AP1M2: variants seen among roughly 807,000 people sequenced by gnomAD.
AP1M2 encodes adaptor related protein complex 1 subunit mu 2.
A neutral mutation model predicts 54.6 loss-of-function variants in AP1M2; 41 were observed. That is an observed-to-expected ratio of 0.75 (90% CI 0.59 to 0.97). The LOEUF (loss-of-function observed/expected upper bound fraction) is 0.97, where lower values mean the gene tolerates loss of function less well. Ranked by LOEUF, AP1M2 falls within the 50% of genes least tolerant of loss-of-function variation. The probability of loss-of-function intolerance (pLI) is 0.00; values close to 1 mark genes in which losing one functional copy is unlikely to be tolerated. For synonymous variants in AP1M2, 219 were observed against 215.9 expected, an observed-to-expected ratio of 1.01 and a Z score of -0.13; for missense variants, 507 against 561.2, an observed-to-expected ratio of 0.90 and a Z score of 0.98.
intron 9 of AP1M2, among the ~76,000 whole-genome samples, chr19:10,575,855 C>T (rs1165828959): frequency 6.8e-6 from 1 of 146,296 alleles, no homozygotes; most frequent in African/African-American, 2.5e-5. Context: ...CAAGCTCCGC[C>T]TCCCAGGTTC....
At chr19:10,578,543 T>G (rs2067686610) in intron 8 of AP1M2, among the ~76,000 whole-genome samples, 1 of 152,060 alleles carries the variant, frequency 6.6e-6, no homozygotes, top group Non-Finnish European at 1.5e-5. Flanking sequence ...AGTTATTATT[T>G]TATTTGATAA....
intron 2 of AP1M2, 32 bp downstream of exon 2, chr19:10,583,882 C>A: frequency 6.4e-7 from 1 of 1,572,732 alleles, no homozygotes; most frequent in Non-Finnish European, 8.6e-7. Context: ...GCCCCCACAC[C>A]CACCTCCAGG....
intron 1 of AP1M2, among the ~76,000 whole-genome samples, chr19:10,585,290 A>AGAAAGAAAGAAGGAAGGAAGGAAG (rs1568434726): frequency 1.4e-4 from 12 of 82,802 alleles, no homozygotes; most frequent in Middle Eastern, 5.2e-3. Context: ...AAAAAAAGAA[A>AGAAAGAAAGAAGGAAGGAAGGAAG]GAAAGAAAGA....
chr19:10,585,278 AG>A lies in AP1M2; in HGVS notation c.43-1209del, dbSNP rs1351957284. On this transcript the variant is annotated intron_variant, in intron 1 of 11. Transcript: ENST00000250244. Reference sequence around the variant, plus strand: ...AAGGAAAGAAGGAAAGAAAGAAAGAAGAAAAAAAGAAAGAAAGAAAGAAAGA... The same window carrying A: ...AAGGAAAGAAGGAAAGAAAGAAAGAAAAAAAAAGAAAGAAAGAAAGAAAGA... Among the ~76,000 whole-genome samples the A allele has an allele frequency of 8.8e-5, 3 of 34,126 alleles. 1 individual carries two copies. Among genetic ancestry groups the A allele is most frequent in the African/African-American group, 5.1e-4 (3 of 5,914 alleles). The allele number at this position is 34,126 out of a possible 152,430, so 22.4% of individuals were successfully genotyped here. A position where few individuals can be genotyped will look rare whatever the true frequency, so the allele number is the denominator to read the frequency against.
At chr19:10,577,423 C>CCCTTT in intron 8 of AP1M2, 67 bp from the exon 9 acceptor site, 1 of 367,842 alleles carries the variant, frequency 2.7e-6, no homozygotes, top group Admixed American at 7.0e-5. Flanking sequence ...TTACCAAGCC[C>CCCTTT]TTTTTTTTTT....
chr19:10,584,784 CAGG>C (rs956871344), intron 1 of AP1M2, among the ~76,000 whole-genome samples: 13 of 152,030 alleles, frequency 8.6e-5, no homozygotes, highest in African/African-American at 2.9e-4. Context: ...CCATTTCACA[CAGG>C]AGAAGTGAGG....
At chr19:10,585,148 G>A (rs35769432) in intron 1 of AP1M2, 38,403 of 150,722 alleles carry the variant, frequency 0.25, 5,892 homozygotes, top group East Asian at 0.66. Context: ...CTAGGAGGTC[G>A]AGACTACAGT....
At chr19:10,583,877 C>T (rs1402827201) in intron 2 of AP1M2, 37 bp downstream of exon 2, 1 of 1,569,262 alleles carries the variant, frequency 6.4e-7, no homozygotes, top group African/African-American at 1.4e-5. Context: ...CGACAGCCCC[C>T]ACACCCACCT....
rs188986110 is a variant in AP1M2, at chr19:10,579,259, G to A, written c.817-296C>T. ...GCGAAACCCCGTCTCTACTAAAAAT[G>A]CAAAAAATTAGCTGGACACGGTGGC... is the stretch of plus-strand genomic sequence containing the variant. On this transcript the variant is annotated intron_variant, in intron 7 of 11. Coordinates refer to ENST00000250244, the MANE Select transcript of AP1M2 (RefSeq NM_005498.5). 9.1e-4 allele frequency among the ~76,000 whole-genome samples: 138 copies of A among 151,650 alleles called. No homozygotes were observed. In the East Asian group the frequency reaches 0.014, roughly 16 times the overall value.
intron 9 of AP1M2, 103 bp from the exon 10 acceptor site, chr19:10,575,132 C>T: frequency 8.0e-7 from 1 of 1,257,660 alleles, no homozygotes; most frequent in Non-Finnish European, 1.0e-6. Context: ...GCCCATTTCA[C>T]AGACAGGAAA....
intron 1 of AP1M2, among the ~76,000 whole-genome samples, chr19:10,586,139 C>T (rs1002571056): frequency 1.1e-4 from 17 of 151,808 alleles, no homozygotes; most frequent in Non-Finnish European, 2.1e-4. Flanking sequence ...AAAAATTAGC[C>T]GGGCGTGATG....
At chr19:10,579,076 G>A (rs1050817787) in intron 7 of AP1M2, 113 bp from the exon 8 acceptor site, 6 of 765,910 alleles carry the variant, frequency 7.8e-6, no homozygotes, top group South Asian at 1.8e-5. Context: ...CCAGGCTGAA[G>A]TGCCATGGCG....
At position 10,584,078 on chromosome 19, in the gene AP1M2, T is replaced by C; in HGVS notation, c.43-8A>G. 6.2e-7 allele frequency: 1 copy of C among 1,606,068 alleles called. No individual in the cohort carries two copies. Among genetic ancestry groups the C allele is most frequent in the Admixed American group, 1.7e-5 (1 of 58,792 alleles). On this transcript the variant is annotated splice_polypyrimidine_tract_variant and splice_region_variant and intron_variant, in intron 1 of 11. Coordinates refer to ENST00000250244, the MANE Select transcript of AP1M2 (RefSeq NM_005498.5). ...GTTGCGGCTGATCAATGGCTGAGGG[T>C]GGAAGGAAAGGACCTGGTCACCACC...
intron 5 of AP1M2, 41 bp from the exon 6 acceptor site, chr19:10,581,433 C>G (rs780028731): frequency 5.0e-5 from 81 of 1,609,992 alleles, no homozygotes; most frequent in Non-Finnish European, 6.4e-5. Flanking sequence ...GCATCAAACT[C>G]CGTCTCCTGC....
rs1171583344 is a variant in AP1M2 at position 10,583,916 on chromosome 19, T to C, written c.197A>G (p.Tyr66Cys). ...GGGACACCACGTGGGGTGGATACAG[T>C]AGAGGTTGCTGTGTTTGATCCATAG... ...HFLWIKHSNL[Y>C]LVATTSKNAN... Residue 66 changes from tyrosine (Y) to cysteine (C), a missense_variant and splice_region_variant, in exon 2 of 12, where the codon TAC becomes TGC. Physicochemically the swap from Tyr to Cys is radical, Grantham distance 194. Transcript: ENST00000250244. 6.3e-7 allele frequency: 1 copy of C among 1,596,540 alleles called. No homozygotes were observed. Among genetic ancestry groups the C allele is most frequent in the South Asian group, 1.1e-5 (1 of 88,434 alleles).
chr19:10,583,492 G>A, intron 3 of AP1M2, 114 bp downstream of exon 3: 1 of 756,588 alleles, frequency 1.3e-6, no homozygotes, highest in East Asian at 2.6e-5. Context: ...AAAAAGGGAA[G>A]ACCCAGGGAG....
At chr19:10,576,389 A>G (rs910413156) in intron 9 of AP1M2, among the ~76,000 whole-genome samples, 4 of 150,512 alleles carry the variant, frequency 2.7e-5, no homozygotes, top group Non-Finnish European at 4.4e-5. Flanking sequence ...CAGCCTCCCA[A>G]ATAGCTGGGA....
chr19:10,573,428 A>T (rs1917123410), intron 11 of AP1M2, among the ~76,000 whole-genome samples: 2 of 151,788 alleles, frequency 1.3e-5, no homozygotes, highest in Admixed American at 1.3e-4. Context: ...CAAAAAAGAA[A>T]AGAAATGGGG....
At position 10,587,299 on chromosome 19, in the gene AP1M2, C is replaced by T. The variant is rs1917682410; in HGVS notation, c.-68G>A. 2.0e-6 allele frequency: 3 copies of T among 1,529,472 alleles called. No individual in the cohort carries two copies. Among genetic ancestry groups the T allele is most frequent in the Non-Finnish European group, 2.7e-6 (3 of 1,127,384 alleles). The allele number at this position is 1,529,472 out of a possible 1,614,324, so 94.7% of individuals were successfully genotyped here. ...GAGGCGATGGCGGCGCCGCTTCCTT[C>T]TTCCTGCGGAAGCGCCTGCGCCCAG... On this transcript the variant is annotated 5_prime_UTR_variant, in exon 1 of 12. Coordinates refer to ENST00000250244, the MANE Select transcript of AP1M2 (RefSeq NM_005498.5).
Sources: gnomAD v4.1 joint callset for allele counts (sites outside exome capture counted in the v4.1 genomes callset) on GRCh38, gnomAD v4.1.1 for gene constraint, MANE v1.5 for transcripts, NCBI Gene and HGNC (gene_info 2026-07-23, HGNC 2026-07-21) for gene names.